Variants in CXorf58 observed in about 807,000 individuals in gnomAD.
CXorf58 encodes chromosome X open reading frame 58.
Under a neutral mutation model 26.0 loss-of-function variants are expected in CXorf58, and 24 were observed. The observed-to-expected ratio is 0.92, with a 90% confidence interval of 0.67 to 1.30. The LOEUF (loss-of-function observed/expected upper bound fraction) is 1.30, where lower values mean the gene tolerates loss of function less well. Ranked by LOEUF, CXorf58 falls within the 50% of genes most tolerant of loss-of-function variation. CXorf58 has a pLI of 0.00. For missense variants in CXorf58, 236 were observed against 263.9 expected, an observed-to-expected ratio of 0.89 and a Z score of 0.73; for synonymous variants, 87 against 86.1, an observed-to-expected ratio of 1.01 and a Z score of -0.06.
At chrX:23,912,163 G>A (rs1229791017) in intron 3 of CXorf58, among the ~76,000 whole-genome samples, 1 of 110,668 alleles carries the variant, frequency 9.0e-6, no homozygotes, top group Non-Finnish European at 1.9e-5. Flanking sequence ...ATGTTAGCCA[G>A]GATGATCTCG....
chrX:23,918,115 A>G (rs763176600), intron 5 of CXorf58, among the ~76,000 whole-genome samples: 2 of 111,832 alleles, frequency 1.8e-5, no homozygotes, highest in Non-Finnish European at 3.8e-5. Flanking sequence ...CAGCCACTCT[A>G]TATCTTTTGA....
intron 5 of CXorf58, among the ~76,000 whole-genome samples, chrX:23,919,043 TGAG>T (rs1927799404): frequency 8.9e-6 from 1 of 111,800 alleles, no homozygotes; most frequent in African/African-American, 3.2e-5. Flanking sequence ...TTAAATGCCT[TGAG>T]GTAGTCTTTG....
At chrX:23,913,987 T>G (rs993537857) in intron 3 of CXorf58, among the ~76,000 whole-genome samples, 2 of 112,454 alleles carry the variant, frequency 1.8e-5, no homozygotes, top group Non-Finnish European at 3.8e-5. Context: ...GCTGGTTTCA[T>G]AGTATTTTTA....
chrX:23,915,724 C>T lies in CXorf58; in HGVS notation c.241C>T (p.Leu81=). 1 of 1,192,157 alleles carries T rather than the reference C, an allele frequency of 8.4e-7. No homozygotes were observed. ...AAEFYVTHEI[L]KKVAPLEAKL... ...GGAATTCTATGTAACACATGAAATA[C>T]TGAAGAAAGTGGCCCCCTTAGAGGC... Residue 81 remains leucine, a synonymous_variant, in exon 4 of 9, where the codon CTG becomes TTG. Transcript: ENST00000379211.
intron 5 of CXorf58, among the ~76,000 whole-genome samples, chrX:23,925,223 A>C (rs1927973141): frequency 1.8e-5 from 2 of 111,830 alleles, no homozygotes; most frequent in Admixed American, 9.6e-5. Flanking sequence ...TAAATAAAGG[A>C]ATAGTCTGAA....
intron 3 of CXorf58, among the ~76,000 whole-genome samples, chrX:23,914,867 G>T (rs1449400817): frequency 9.0e-6 from 1 of 111,100 alleles, no homozygotes; most frequent in Non-Finnish European, 1.9e-5. Flanking sequence ...CTGAGTGGTG[G>T]CTCACACCTG....
chrX:23,927,835 G>A (rs766096107), intron 6 of CXorf58, among the ~76,000 whole-genome samples: 1 of 111,385 alleles, frequency 9.0e-6, no homozygotes, highest in African/African-American at 3.3e-5. Context: ...ATTTTAAAGT[G>A]TACAATTCAG....
intron 6 of CXorf58, among the ~76,000 whole-genome samples, chrX:23,931,338 A>G (rs933250000): frequency 8.9e-6 from 1 of 112,176 alleles, no homozygotes; most frequent in African/African-American, 3.2e-5. Context: ...AGATAAGATC[A>G]TTGTTGACGT....
chrX:23,911,950 C>CCA, intron 3 of CXorf58, 94 bp downstream of exon 3: 1 of 598,191 alleles, frequency 1.7e-6, no homozygotes, highest in Non-Finnish European at 2.6e-6. Context: ...TTCTTTATCT[C>CCA]CTCTTTTTTT....
chrX:23,935,294 G>T lies in CXorf58; in HGVS notation c.654G>T (p.Met218Ile). The change falls in exon 7 of 9, where the codon ATG becomes ATT. Residue 218 changes from methionine (M) to isoleucine (I), a missense_variant. Met to Ile is a conservative substitution (Grantham distance 10). Transcript: ENST00000379211. The stretch of plus-strand genomic sequence containing the variant: ...AAAATATTCCCAGGACAATGCTAAT[G>T]TATGACATAGTTCATTATTCAGAGT... ...NLENIPRTML[M>I]YDIVHYSESG... The T allele has an allele frequency of 8.3e-7, 1 of 1,205,820 alleles. No homozygotes were observed. Among genetic ancestry groups the T allele is most frequent in the South Asian group, 1.8e-5 (1 of 56,815 alleles).
At chrX:23,919,989 A>G (rs1214000682) in intron 5 of CXorf58, among the ~76,000 whole-genome samples, 4 of 112,599 alleles carry the variant, frequency 3.6e-5, no homozygotes, top group African/African-American at 9.7e-5. Context: ...CTCTTTCCCT[A>G]CTTTTCCCCC....
chrX:23,935,156 G>T, intron 6 of CXorf58, 40 bp from the exon 7 acceptor site: 1 of 1,076,217 alleles, frequency 9.3e-7, no homozygotes, highest in South Asian at 1.9e-5. Flanking sequence ...ATGAGCCACC[G>T]CACCTGGCCA....
At chrX:23,927,476 A>G (rs1276688884) in intron 6 of CXorf58, 106 bp downstream of exon 6, 2 of 332,213 alleles carry the variant, frequency 6.0e-6, no homozygotes, top group Non-Finnish European at 4.8e-6. Flanking sequence ...AATATAACAC[A>G]ATATAAAATT....
chrX:23,927,478 T>C, intron 6 of CXorf58, 108 bp downstream of exon 6: 1 of 318,756 alleles, frequency 3.1e-6, no homozygotes, highest in Non-Finnish European at 5.1e-6. Context: ...TATAACACAA[T>C]ATAAAATTTA....
In CXorf58 at chrX:23,938,546, G is replaced by A; in HGVS notation, c.786-1G>A. ...CTGTTTTTAATACAAACATTTTCTA[G>A]GGGTCCATACTTAACTGTCCAACCT... On this transcript the variant is annotated splice_acceptor_variant, in intron 7 of 8. Transcript: ENST00000379211. LOFTEE classifies it high-confidence loss of function. The A allele has an allele frequency of 9.0e-7, 1 of 1,112,821 alleles. No homozygotes were observed. The allele number at this position is 1,112,821 out of a possible 1,213,427, so 91.7% of individuals were successfully genotyped here. A position where few individuals can be genotyped will look rare whatever the true frequency, so the allele number is the denominator to read the frequency against.
chrX:23,911,619 T>C, intron 2 of CXorf58, 138 bp from the exon 3 acceptor site: 1 of 387,569 alleles, frequency 2.6e-6, no homozygotes, highest in Non-Finnish European at 4.5e-6. Context: ...AATTACCACA[T>C]CCAAATGTTC....
At chrX:23,909,633 A>T (rs1487102069) in intron 1 of CXorf58, among the ~76,000 whole-genome samples, 1 of 112,004 alleles carries the variant, frequency 8.9e-6, no homozygotes, top group Non-Finnish European at 1.9e-5. Flanking sequence ...GAAATGATAA[A>T]GAGCCCCTGG....
intron 7 of CXorf58, among the ~76,000 whole-genome samples, chrX:23,937,995 C>G (rs1438778450): frequency 1.8e-5 from 2 of 109,171 alleles, no homozygotes; most frequent in Non-Finnish European, 3.8e-5. Flanking sequence ...AAGCAATTCT[C>G]CTGCCTCAGC....
intron 3 of CXorf58, among the ~76,000 whole-genome samples, chrX:23,913,347 AT>A (rs75780936): frequency 0.018 from 1,811 of 100,971 alleles, 16 homozygotes; most frequent in Non-Finnish European, 0.025. Context: ...TGCCCAGCTA[AT>A]TTTTTTTTTT....
Sources: allele counts gnomAD v4.1 joint callset (sites outside exome capture counted in the v4.1 genomes callset), GRCh38; gene constraint gnomAD v4.1.1; transcripts MANE v1.5; gene names NCBI Gene and HGNC (gene_info 2026-07-23, HGNC 2026-07-21).